Variants in VDAC1 observed in about 807,000 individuals in gnomAD.
VDAC1 encodes the protein non-selective voltage-gated ion channel VDAC1.
A neutral mutation model predicts 34.7 loss-of-function variants in VDAC1; 10 were observed. The observed-to-expected ratio is 0.29, with a 90% confidence interval of 0.18 to 0.49. The LOEUF is 0.49. VDAC1 is among the 20% of genes least tolerant of loss of function. The pLI, the probability that VDAC1 is intolerant of heterozygous loss-of-function variation, is 0.99. For missense variants in VDAC1, 230 were observed against 347.9 expected (o/e 0.66, Z 2.69); for synonymous variants, 130 against 136.0 (o/e 0.96, Z 0.30).
the VDAC1 span, among the ~76,000 whole-genome samples, chr5:134,098,060 G>A: frequency 4.0e-5 from 6 of 151,600 alleles, 1 homozygote; most frequent in Admixed American, 3.3e-4. Flanking sequence ...AGTAGAGAAC[G>A]GGGTTTGACC....
the VDAC1 span, among the ~76,000 whole-genome samples, chr5:134,062,148 G>A: frequency 7.3e-5 from 11 of 151,100 alleles, no homozygotes; most frequent in South Asian, 1.0e-3. Flanking sequence ...CACCATGCCC[G>A]GCTAATTTTG....
the VDAC1 span, among the ~76,000 whole-genome samples, chr5:134,104,737 A>G: frequency 6.6e-6 from 1 of 152,242 alleles, no homozygotes; most frequent in Non-Finnish European, 1.5e-5. Flanking sequence ...ACCCTTTAAG[A>G]TGTCGGTAAT....
the VDAC1 span, among the ~76,000 whole-genome samples, chr5:134,037,639 T>C: frequency 1.3e-5 from 2 of 152,244 alleles, no homozygotes; most frequent in Middle Eastern, 3.2e-3. Context: ...AACCAATGTA[T>C]AGCTTCCATA....
chr5:134,044,134 T>A, the VDAC1 span, among the ~76,000 whole-genome samples: 1 of 152,164 alleles, frequency 6.6e-6, no homozygotes, highest in Non-Finnish European at 1.5e-5. Context: ...CCTTCACCAA[T>A]GGAATGTTGA....
the VDAC1 span, among the ~76,000 whole-genome samples, chr5:134,078,116 C>T: frequency 1.1e-4 from 17 of 152,172 alleles, no homozygotes; most frequent in Non-Finnish European, 1.8e-4. Flanking sequence ...ACACACTGCC[C>T]AACACCTGCT....
intron 3 of VDAC1, 74 bp from the exon 4 acceptor site, chr5:133,991,228 A>G (rs1753092043): frequency 1.3e-6 from 2 of 1,579,188 alleles, no homozygotes; most frequent in Non-Finnish European, 8.6e-7. Context: ...TAAACACTAT[A>G]CTTGCCTTTC....
the VDAC1 span, among the ~76,000 whole-genome samples, chr5:134,026,516 G>GAA: frequency 4.5e-3 from 320 of 71,082 alleles, 1 homozygote; most frequent in Non-Finnish European, 5.4e-3. Context: ...CTCCGTCTCA[G>GAA]AAAAAAAAAA....
chr5:134,065,421 A>G, the VDAC1 span, among the ~76,000 whole-genome samples: 1 of 148,306 alleles, frequency 6.7e-6, no homozygotes. Context: ...GCTCACTGCA[A>G]CCTCTGCCTC....
At chr5:134,065,296 A>G in the VDAC1 span, among the ~76,000 whole-genome samples, 1 of 150,792 alleles carries the variant, frequency 6.6e-6, no homozygotes, top group South Asian at 2.1e-4. Context: ...ACATCCAAAT[A>G]TAATGGGATT....
chr5:134,011,805 A>G, the VDAC1 span, among the ~76,000 whole-genome samples: 1 of 151,744 alleles, frequency 6.6e-6, no homozygotes, highest in Non-Finnish European at 1.5e-5. Context: ...AGGCCCGGCT[A>G]ATTTCTGTAT....
chr5:134,101,224 G>C, the VDAC1 span, among the ~76,000 whole-genome samples: 1 of 152,160 alleles, frequency 6.6e-6, no homozygotes, highest in Admixed American at 6.5e-5. Flanking sequence ...AGTTTCCAGG[G>C]GCCTGACCTT....
chr5:134,053,958 G>A, the VDAC1 span, among the ~76,000 whole-genome samples: 1 of 152,196 alleles, frequency 6.6e-6, no homozygotes, highest in South Asian at 2.1e-4. Flanking sequence ...ACAGGCCAGA[G>A]GAGGGAACAA....
the VDAC1 span, among the ~76,000 whole-genome samples, chr5:134,053,455 C>T: frequency 6.6e-6 from 1 of 152,226 alleles, no homozygotes; most frequent in Non-Finnish European, 1.5e-5. Context: ...TTGTCTAGGG[C>T]TCCTGTGAGC....
chr5:134,046,638 T>C, the VDAC1 span, among the ~76,000 whole-genome samples: 8 of 152,222 alleles, frequency 5.3e-5, no homozygotes, highest in Non-Finnish European at 8.8e-5. Context: ...CAAGGTTTAA[T>C]GGGCTTGACC....
the VDAC1 span, among the ~76,000 whole-genome samples, chr5:134,021,435 G>A: frequency 5.9e-5 from 9 of 151,416 alleles, no homozygotes; most frequent in Non-Finnish European, 1.3e-4. Context: ...AGAACATGTG[G>A]TGTTTGGTTT....
At chr5:133,989,794 C>T (rs1181571894) in intron 5 of VDAC1, among the ~76,000 whole-genome samples, 1 of 152,194 alleles carries the variant, frequency 6.6e-6, no homozygotes, top group African/African-American at 2.4e-5. Flanking sequence ...TCCCAAGTAG[C>T]TGGGATTACA....
the VDAC1 span, among the ~76,000 whole-genome samples, chr5:134,025,587 T>C: frequency 6.8e-6 from 1 of 147,040 alleles, no homozygotes; most frequent in South Asian, 2.2e-4. Flanking sequence ...TCTCCCTCTC[T>C]CTTATTTATT....
chr5:134,055,588 G>GT, the VDAC1 span, among the ~76,000 whole-genome samples: 332 of 59,608 alleles, frequency 5.6e-3, 36 homozygotes, highest in East Asian at 0.019. Flanking sequence ...CCCCGCTAAT[G>GT]TTTTTTTTTT....
At chr5:134,110,773 T>G in the VDAC1 span, among the ~76,000 whole-genome samples, 37 of 152,258 alleles carry the variant, frequency 2.4e-4, no homozygotes, top group Non-Finnish European at 4.0e-4. Context: ...AGACGTTTTC[T>G]GGAAATGCCA....
Sources: allele counts gnomAD v4.1 joint callset (sites outside exome capture counted in the v4.1 genomes callset), GRCh38; gene constraint gnomAD v4.1.1; transcripts MANE v1.5; gene names NCBI Gene and HGNC (gene_info 2026-07-23, HGNC 2026-07-21).